IL1RAPL1: variants seen among roughly 807,000 people sequenced by gnomAD.
IL1RAPL1 encodes interleukin 1 receptor accessory protein like 1.
IL1RAPL1 carries 3 observed loss-of-function variants against 48.4 expected under a neutral mutation model. The observed-to-expected ratio is 0.06, with a 90% confidence interval of 0.03 to 0.16. The LOEUF (loss-of-function observed/expected upper bound fraction) is 0.16, where lower values mean the gene tolerates loss of function less well. Ranked by LOEUF, IL1RAPL1 falls within the 10% of genes least tolerant of loss-of-function variation. The pLI, the probability that IL1RAPL1 is intolerant of heterozygous loss-of-function variation, is 1.00. For missense variants in IL1RAPL1, 349 were observed against 530.6 expected, an observed-to-expected ratio of 0.66 and a Z score of 3.36; for synonymous variants, 185 against 187.7, an observed-to-expected ratio of 0.99 and a Z score of 0.12.
chrX:29,343,702 G>T (rs902304191), intron 3 of IL1RAPL1, among the ~76,000 whole-genome samples: 1 of 101,813 alleles, frequency 9.8e-6, no homozygotes, highest in Non-Finnish European at 2.0e-5. Context: ...TCAACTTGAT[G>T]ATATTCTATG....
intron 5 of IL1RAPL1, among the ~76,000 whole-genome samples, chrX:29,531,167 CTG>C (rs1269618955): frequency 9.4e-6 from 1 of 106,063 alleles, no homozygotes; most frequent in Non-Finnish European, 2.0e-5. Flanking sequence ...TTAAAAAAAT[CTG>C]TTTTTTTTTT....
chrX:28,886,416 A>G (rs1352025225), intron 2 of IL1RAPL1, among the ~76,000 whole-genome samples: 2 of 109,420 alleles, frequency 1.8e-5, no homozygotes, highest in Non-Finnish European at 3.8e-5. Context: ...TGTGTAATTG[A>G]TGGAGGATTG....
At chrX:29,174,588 A>C (rs2147515339) in intron 2 of IL1RAPL1, among the ~76,000 whole-genome samples, 1 of 111,971 alleles carries the variant, frequency 8.9e-6, no homozygotes, top group East Asian at 2.8e-4. Flanking sequence ...TTATCGCATA[A>C]AACACAGAAA....
rs142293409 is a variant in IL1RAPL1, at chrX:29,674,712, C to G, written c.778+6208C>G. ...AGTTATTTTTTTCTTCTCTCTCTCT[C>G]TCCTCCCACCTTCCACCCTCAGGTA... On this transcript the variant is annotated intron_variant, in intron 6 of 10. Transcript: ENST00000378993. Among the ~76,000 whole-genome samples the G allele has an allele frequency of 3.1e-3, 346 of 111,730 alleles. 2 individuals are homozygous for G. The highest frequency in any genetic ancestry group is 0.01 in the African/African-American group (316 of 30,756).
intron 5 of IL1RAPL1, among the ~76,000 whole-genome samples, chrX:29,560,905 G>C (rs906878838): frequency 3.6e-5 from 4 of 111,829 alleles, no homozygotes; most frequent in African/African-American, 1.3e-4. Context: ...TGTTTTTGTT[G>C]TGTTATGTTT....
chrX:28,739,977 C>CT (rs111836261), intron 1 of IL1RAPL1, among the ~76,000 whole-genome samples: 116 of 106,771 alleles, frequency 1.1e-3, no homozygotes, highest in South Asian at 7.6e-3. Flanking sequence ...GGGACAGTGT[C>CT]TTTTTTTTTT....
intron 8 of IL1RAPL1, among the ~76,000 whole-genome samples, chrX:29,924,757 A>G (rs1378594796): frequency 8.9e-6 from 1 of 112,007 alleles, no homozygotes; most frequent in East Asian, 2.8e-4. Context: ...GAGACTCAGC[A>G]CTAGTTAATA....
chrX:29,707,534 C>T (rs187444253), intron 6 of IL1RAPL1, among the ~76,000 whole-genome samples: 1 of 111,837 alleles, frequency 8.9e-6, no homozygotes, highest in East Asian at 2.8e-4. Flanking sequence ...TGGAACCAGC[C>T]CAAATGCCCA....
intron 6 of IL1RAPL1, among the ~76,000 whole-genome samples, chrX:29,846,184 C>T (rs1931242380): frequency 9.0e-6 from 1 of 111,577 alleles, no homozygotes; most frequent in Non-Finnish European, 1.9e-5. Flanking sequence ...ATCGCTGTTA[C>T]ACTCTGATAC....
chrX:28,786,715 A>C (rs182905720), intron 1 of IL1RAPL1, among the ~76,000 whole-genome samples: 3 of 112,017 alleles, frequency 2.7e-5, no homozygotes, highest in African/African-American at 9.7e-5. Flanking sequence ...GTTTATGTGA[A>C]GCCAAATGGT....
intron 6 of IL1RAPL1, among the ~76,000 whole-genome samples, chrX:29,870,184 A>G (rs1931772391): frequency 8.9e-6 from 1 of 112,705 alleles, no homozygotes; most frequent in South Asian, 3.7e-4. Flanking sequence ...CCAAAGACAG[A>G]GAAATGAAAG....
chrX:29,045,919 TTCC>T (rs1195692199), intron 2 of IL1RAPL1, among the ~76,000 whole-genome samples: 54 of 83,561 alleles, frequency 6.5e-4, no homozygotes, highest in South Asian at 2.2e-3. Context: ...CTCCTCCTTC[TTCC>T]TCCTCCTCCT....
chrX:28,782,213 G>A (rs1048311094), intron 1 of IL1RAPL1, among the ~76,000 whole-genome samples: 11 of 111,184 alleles, frequency 9.9e-5, no homozygotes, highest in African/African-American at 1.3e-4. Context: ...TTGGAAATAT[G>A]TTTGCTAATT....
intron 3 of IL1RAPL1, among the ~76,000 whole-genome samples, chrX:29,361,352 T>C (rs189245857): frequency 8.9e-6 from 1 of 112,154 alleles, no homozygotes; most frequent in Non-Finnish European, 1.9e-5. Context: ...ACAGGTCATT[T>C]AGTGGGCTCA....
At chrX:29,953,702 T>G (rs942750818) in intron 9 of IL1RAPL1, among the ~76,000 whole-genome samples, 2 of 111,662 alleles carry the variant, frequency 1.8e-5, no homozygotes, top group Non-Finnish European at 3.8e-5. Context: ...AAGAACTGAC[T>G]CCTAGTAAAA....
chrX:28,901,796 G>A (rs144844708), intron 2 of IL1RAPL1, among the ~76,000 whole-genome samples: 120 of 111,687 alleles, frequency 1.1e-3, no homozygotes, highest in African/African-American at 3.6e-3. Context: ...ATCCTCACTC[G>A]CTCAAATATT....
chrX:29,396,659 T>G (rs758816067), intron 4 of IL1RAPL1, among the ~76,000 whole-genome samples: 1 of 112,138 alleles, frequency 8.9e-6, no homozygotes, highest in Non-Finnish European at 1.9e-5. Flanking sequence ...TGTAATAAGC[T>G]GTTGTGTTTA....
chrX:29,367,052 CTG>C (rs981903396), intron 3 of IL1RAPL1, among the ~76,000 whole-genome samples: 4 of 111,191 alleles, frequency 3.6e-5, no homozygotes, highest in African/African-American at 1.3e-4. Flanking sequence ...TTAACTCACT[CTG>C]TTATCTTAAC....
At chrX:29,203,392 T>C (rs1427400440) in intron 2 of IL1RAPL1, among the ~76,000 whole-genome samples, 1 of 111,571 alleles carries the variant, frequency 9.0e-6, no homozygotes, top group African/African-American at 3.3e-5. Context: ...TGTTTATCTT[T>C]TTTTTGTGTT....
Sources: allele counts gnomAD v4.1 joint callset (sites outside exome capture counted in the v4.1 genomes callset), GRCh38; gene constraint gnomAD v4.1.1; transcripts MANE v1.5; gene names NCBI Gene and HGNC (gene_info 2026-07-23, HGNC 2026-07-21).